Variants in SLC35D1 observed in about 807,000 individuals in gnomAD.
SLC35D1 encodes the protein solute carrier family 35 member D1.
In SLC35D1, 31 loss-of-function variants were observed where a neutral mutation model predicts 46.7. That is an observed-to-expected ratio of 0.66 (90% CI 0.50 to 0.90). SLC35D1 has a LOEUF of 0.90. Among genes scored for constraint, SLC35D1 ranks in the 40% least tolerant of loss-of-function variants. The pLI is 0.00. For missense variants in SLC35D1, 397 were observed against 426.2 expected (o/e 0.93, Z 0.60); for synonymous variants, 195 against 164.6 (o/e 1.18, Z -1.41).
chr1:66,977,744 G>T, the SLC35D1 span, among the ~76,000 whole-genome samples: 7 of 151,998 alleles, frequency 4.6e-5, no homozygotes, highest in Non-Finnish European at 1.0e-4. Flanking sequence ...GTGATTAATT[G>T]TTATGATGGA....
rs546502078 is a variant in SLC35D1 at position 67,020,962 on chromosome 1, C to G, written c.798-515G>C. On this transcript the variant is annotated intron_variant, in intron 9 of 11. Coordinates refer to ENST00000235345, the MANE Select transcript of SLC35D1 (RefSeq NM_015139.3). Reference sequence around the variant, plus strand: ...ACACTGAGGCTTCTCAGCTTAAGTACCAAGGCATCAGGTCAACTTTATTTT... The same window carrying G: ...ACACTGAGGCTTCTCAGCTTAAGTAGCAAGGCATCAGGTCAACTTTATTTT... 3.3e-5 allele frequency among the ~76,000 whole-genome samples: 5 copies of G among 152,248 alleles called. No individual in the cohort carries two copies. The East Asian group carries it at 7.7e-4, about 23-fold the overall frequency.
At chr1:67,045,512 C>A (rs1645243113) in intron 7 of SLC35D1, among the ~76,000 whole-genome samples, 1 of 152,098 alleles carries the variant, frequency 6.6e-6, no homozygotes, top group Non-Finnish European at 1.5e-5. Flanking sequence ...TAGAATTCTA[C>A]CTTCTAGTTT....
chr1:67,032,537 T>C (rs1430605031), intron 8 of SLC35D1, among the ~76,000 whole-genome samples: 1 of 151,878 alleles, frequency 6.6e-6, no homozygotes, highest in Non-Finnish European at 1.5e-5. Flanking sequence ...AAAAATTAGC[T>C]GGGCGTGGTG....
chr1:67,052,571 G>C (rs1441102794), intron 3 of SLC35D1, among the ~76,000 whole-genome samples, 200 bp downstream of exon 3: 1 of 152,064 alleles, frequency 6.6e-6, no homozygotes, highest in Non-Finnish European at 1.5e-5. Flanking sequence ...ATATTCCTAG[G>C]TTATTTTTTC....
At chr1:67,021,362 A>G (rs1162201783) in intron 9 of SLC35D1, among the ~76,000 whole-genome samples, 173 bp downstream of exon 9, 3 of 152,202 alleles carry the variant, frequency 2.0e-5, no homozygotes, top group Non-Finnish European at 4.4e-5. Context: ...GTATCAATTC[A>G]GTAGCCCTAA....
the SLC35D1 span, chr1:66,985,555 T>C: frequency 1.0e-6 from 1 of 985,304 alleles, no homozygotes; most frequent in East Asian, 1.1e-4. Context: ...ATTCTGTATT[T>C]TTCCAGATTC....
At chr1:67,011,121 C>G (rs915203090) in intron 10 of SLC35D1, among the ~76,000 whole-genome samples, 1 of 152,166 alleles carries the variant, frequency 6.6e-6, no homozygotes, top group African/African-American at 2.4e-5. Context: ...ATCTAAGCCC[C>G]CATTTTTTCT....
the SLC35D1 span, among the ~76,000 whole-genome samples, chr1:66,983,230 T>C: frequency 6.6e-6 from 1 of 152,256 alleles, no homozygotes; most frequent in Admixed American, 6.5e-5. Context: ...ATTAGTACTT[T>C]GAAATCTTAC....
chr1:66,995,375 T>C (rs775021360), downstream of SLC35D1, among the ~76,000 whole-genome samples: 1 of 133,482 alleles, frequency 7.5e-6, no homozygotes, highest in South Asian at 2.4e-4. Flanking sequence ...ATCCAAATAC[T>C]GCAGCTGGTG....
At chr1:67,032,610 G>T (rs1668039999) in intron 8 of SLC35D1, among the ~76,000 whole-genome samples, 1 of 152,068 alleles carries the variant, frequency 6.6e-6, no homozygotes, top group African/African-American at 2.4e-5. Flanking sequence ...GAACCCAGGA[G>T]GCAGAGGTTG....
At chr1:67,036,833 G>A (rs918599601) in intron 8 of SLC35D1, among the ~76,000 whole-genome samples, 2 of 151,036 alleles carry the variant, frequency 1.3e-5, no homozygotes, top group African/African-American at 4.9e-5. Flanking sequence ...ACTTTGTTCT[G>A]GTAGTTCTGT....
At chr1:67,031,431 CTTA>C (rs1025588189) in intron 8 of SLC35D1, among the ~76,000 whole-genome samples, 4 of 152,040 alleles carry the variant, frequency 2.6e-5, no homozygotes, top group Non-Finnish European at 4.4e-5. Context: ...AAAACTACTG[CTTA>C]TTAAGTGCCT....
intron 8 of SLC35D1, among the ~76,000 whole-genome samples, chr1:67,024,611 T>C (rs1208264687): frequency 1.3e-5 from 2 of 152,202 alleles, no homozygotes; most frequent in Non-Finnish European, 2.9e-5. Flanking sequence ...TTCTTGCCTC[T>C]CCCCTAGCTT....
At chr1:67,008,683 T>C (rs1667500545) in intron 11 of SLC35D1, among the ~76,000 whole-genome samples, 1 of 152,138 alleles carries the variant, frequency 6.6e-6, no homozygotes, top group Non-Finnish European at 1.5e-5. Flanking sequence ...GAGATACCCA[T>C]TCCAAAAATA....
At chr1:66,978,209 A>AGAAG in the SLC35D1 span, among the ~76,000 whole-genome samples, 1 of 149,472 alleles carries the variant, frequency 6.7e-6, no homozygotes, top group Non-Finnish European at 1.5e-5. Flanking sequence ...AAAAAAAAAA[A>AGAAG]AAAGATGTGC....
intron 8 of SLC35D1, among the ~76,000 whole-genome samples, chr1:67,026,381 T>C (rs1212983121): frequency 1.3e-5 from 2 of 152,214 alleles, no homozygotes; most frequent in African/African-American, 4.8e-5. Flanking sequence ...TACTGCCCTT[T>C]TAATATATTG....
intron 8 of SLC35D1, among the ~76,000 whole-genome samples, chr1:67,039,493 TTGTGTGTGTGTGTGTG>T (rs71801070): frequency 2.0e-5 from 3 of 148,666 alleles, no homozygotes; most frequent in Admixed American, 6.7e-5. Flanking sequence ...AGTGAAAAAA[TTGTGTGTGTGTGTGTG>T]TGTGTGTGTG....
At chr1:67,038,525 T>C (rs748958832) in intron 8 of SLC35D1, among the ~76,000 whole-genome samples, 68 of 145,834 alleles carry the variant, frequency 4.7e-4, no homozygotes, top group Non-Finnish European at 8.8e-4. Flanking sequence ...CCAACTCCTG[T>C]GACTGAATCA....
At position 66,999,956 on chromosome 1, in the gene SLC35D1, CTA is replaced by C. The variant is rs1319423607; in HGVS notation, c.*4382_*4383del. ...ACTGAATTGACATTCTAAAATGTAA[CTA>C]TGTTTCTTTAAGATAGAAAATAATT... is the stretch of plus-strand genomic sequence containing the variant. On this transcript the variant is annotated 3_prime_UTR_variant, in exon 12 of 12. Transcript: ENST00000235345. 1 of 152,148 alleles carries C rather than the reference CTA, an allele frequency of 6.6e-6. No homozygotes were observed. Among genetic ancestry groups the C allele is most frequent in the Non-Finnish European group, 1.5e-5 (1 of 68,026 alleles). The allele number at this position is 152,148 out of a possible 1,614,324, so 9.4% of individuals were successfully genotyped here.
Sources: allele counts gnomAD v4.1 joint callset (sites outside exome capture counted in the v4.1 genomes callset), GRCh38; gene constraint gnomAD v4.1.1; transcripts MANE v1.5; gene names NCBI Gene and HGNC (gene_info 2026-07-23, HGNC 2026-07-21).